The following AK5 variants were observed in gnomAD, a reference collection of about 807,000 sequenced individuals.
AK5 encodes the protein adenylate kinase isoenzyme 5.
AK5 carries 27 observed loss-of-function variants against 69.5 expected under a neutral mutation model. The observed-to-expected ratio is 0.39, with a 90% CI of 0.29 to 0.54. The LOEUF is 0.54. Ranked by LOEUF, AK5 falls within the 20% of genes least tolerant of loss-of-function variation. AK5 has a pLI of 0.71. For missense variants in AK5, 531 were observed against 700.4 expected (o/e 0.76, Z 2.73); for synonymous variants, 260 against 244.4 (o/e 1.06, Z -0.60).
chr1:77,410,444 A>C (rs925231032), intron 6 of AK5, among the ~76,000 whole-genome samples: 2 of 151,764 alleles, frequency 1.3e-5, no homozygotes, highest in Admixed American at 1.3e-4. Flanking sequence ...TGCCTGGCTA[A>C]TTTTTTTGTA....
intron 10 of AK5, among the ~76,000 whole-genome samples, chr1:77,517,397 GAGTC>G (rs1657715604): frequency 6.6e-6 from 1 of 152,214 alleles, no homozygotes; most frequent in Non-Finnish European, 1.5e-5. Context: ...ACACCTCTGA[GAGTC>G]AGAGCCCAGG....
At chr1:77,385,654 A>G (rs1463918467) in intron 6 of AK5, among the ~76,000 whole-genome samples, 1 of 152,206 alleles carries the variant, frequency 6.6e-6, no homozygotes, top group African/African-American at 2.4e-5. Context: ...AATATACACA[A>G]CAAAAAGCAA....
intron 10 of AK5, among the ~76,000 whole-genome samples, chr1:77,488,223 C>T (rs1025530264): frequency 1.3e-5 from 2 of 152,182 alleles, no homozygotes; most frequent in African/African-American, 2.4e-5. Context: ...TGGATGGACT[C>T]TTCCCACACT....
chr1:77,343,380 T>C (rs1275072944), intron 6 of AK5, among the ~76,000 whole-genome samples: 1 of 152,228 alleles, frequency 6.6e-6, no homozygotes, highest in African/African-American at 2.4e-5. Flanking sequence ...CTCAGTTCCG[T>C]TGCCATTTAA....
chr1:77,353,841 AC>A (rs1662348757), intron 6 of AK5, among the ~76,000 whole-genome samples: 1 of 152,192 alleles, frequency 6.6e-6, no homozygotes, highest in Non-Finnish European at 1.5e-5. Context: ...GTACACAGAC[AC>A]GCCACTGCTC....
chr1:77,293,677 G>T (rs1162974242), intron 2 of AK5, 116 bp from the exon 3 acceptor site: 3 of 874,792 alleles, frequency 3.4e-6, no homozygotes, highest in African/African-American at 1.7e-5. Flanking sequence ...ACTTCTTCCA[G>T]TTAAGAAAAA....
intron 5 of AK5, among the ~76,000 whole-genome samples, chr1:77,335,900 G>C (rs1661331590): frequency 1.3e-5 from 2 of 152,176 alleles, no homozygotes; most frequent in Non-Finnish European, 2.9e-5. Context: ...TGTCTAGTGA[G>C]GGCCTGCTTC....
At chr1:77,386,275 A>G (rs2100514614) in intron 6 of AK5, among the ~76,000 whole-genome samples, 1 of 152,330 alleles carries the variant, frequency 6.6e-6, no homozygotes, top group Non-Finnish European at 1.5e-5. Flanking sequence ...TCAGGATGGC[A>G]ATATTATAAG....
At chr1:77,483,465 T>G (rs967993761) in intron 9 of AK5, 106 bp downstream of exon 9, 11 of 920,400 alleles carry the variant, frequency 1.2e-5, no homozygotes, top group Non-Finnish European at 1.6e-5. Flanking sequence ...CAGCATCACT[T>G]TTTCCTTGGC....
chr1:77,325,168 T>G (rs1381285212), intron 5 of AK5, among the ~76,000 whole-genome samples: 7 of 151,314 alleles, frequency 4.6e-5, no homozygotes, highest in East Asian at 3.9e-4. Context: ...TTTGTTTTTT[T>G]TTTTTTTTGT....
At chr1:77,353,050 A>AT (rs199782554) in intron 6 of AK5, among the ~76,000 whole-genome samples, 2 of 152,160 alleles carry the variant, frequency 1.3e-5, no homozygotes, top group African/African-American at 2.4e-5. Flanking sequence ...ATACTTAATT[A>AT]TTTTTTTAAA....
chr1:77,411,713 C>T (rs565974804), intron 7 of AK5, among the ~76,000 whole-genome samples: 152 of 152,314 alleles, frequency 1.0e-3, no homozygotes, highest in Non-Finnish European at 1.9e-3. Flanking sequence ...AGTCTCAGTC[C>T]TGACCTTCTT....
chr1:77,382,192 A>ACACTTTC (rs1383533195), intron 6 of AK5, among the ~76,000 whole-genome samples: 1 of 151,526 alleles, frequency 6.6e-6, no homozygotes, highest in Non-Finnish European at 1.5e-5. Flanking sequence ...AGATCCTTTT[A>ACACTTTC]CACTTTCTCG....
At chr1:77,527,676 T>C (rs1658364814) in intron 12 of AK5, among the ~76,000 whole-genome samples, 1 of 152,246 alleles carries the variant, frequency 6.6e-6, no homozygotes, top group Non-Finnish European at 1.5e-5. Flanking sequence ...GATTTGTCCC[T>C]GGGTACAGTA....
Position 77,282,246 on chromosome 1 carries a change from G to A in AK5, c.-68G>A, listed in dbSNP as rs1658098988. On this transcript the variant is annotated 5_prime_UTR_variant, in exon 1 of 14. Transcript: ENST00000354567. ...GCGGACTCTGCCAGCCCCAGCTTCA[G>A]CCCCGGCTCAGGTCGCCGCAGCCCG... The A allele has an allele frequency of 1.4e-6, 2 of 1,472,046 alleles. No homozygotes were observed. Among genetic ancestry groups the A allele is most frequent in the Non-Finnish European group, 9.2e-7 (1 of 1,090,022 alleles). 91.2% of individuals were successfully genotyped at this position (1,472,046 alleles called of 1,614,324 possible).
chr1:77,545,973 G>T (rs749338808), intron 13 of AK5, among the ~76,000 whole-genome samples: 18 of 152,160 alleles, frequency 1.2e-4, no homozygotes, highest in South Asian at 1.0e-3. Flanking sequence ...AGACTTAAGA[G>T]ACTTTTTCTT....
At chr1:77,541,713 C>G (rs1408339870) in intron 13 of AK5, among the ~76,000 whole-genome samples, 3 of 152,168 alleles carry the variant, frequency 2.0e-5, no homozygotes, top group Non-Finnish European at 4.4e-5. Context: ...CCTACTGCTT[C>G]ACAAACACCG....
intron 8 of AK5, among the ~76,000 whole-genome samples, chr1:77,448,071 T>G (rs1278340797): frequency 6.6e-6 from 1 of 152,156 alleles, no homozygotes; most frequent in Non-Finnish European, 1.5e-5. Flanking sequence ...AGCTGAGGCC[T>G]ACAGGTCCCC....
At chr1:77,316,459 T>C (rs940308207) in intron 5 of AK5, among the ~76,000 whole-genome samples, 10 of 152,122 alleles carry the variant, frequency 6.6e-5, no homozygotes, top group African/African-American at 2.4e-4. Flanking sequence ...TGAAAAATTC[T>C]CAACTAGATA....
Sources: gnomAD v4.1 joint callset for allele counts (sites outside exome capture counted in the v4.1 genomes callset) on GRCh38, gnomAD v4.1.1 for gene constraint, MANE v1.5 for transcripts, NCBI Gene and HGNC (gene_info 2026-07-23, HGNC 2026-07-21) for gene names.